UQCC1: variants seen among roughly 807,000 people sequenced by gnomAD.
UQCC1 encodes the protein ubiquinol-cytochrome c reductase complex assembly factor 1.
Under a neutral mutation model 48.0 loss-of-function variants are expected in UQCC1, and 38 were observed. The ratio of observed to expected loss-of-function variants is 0.79; its 90% CI spans 0.61 to 1.04. UQCC1 has a LOEUF of 1.04. Among genes scored for constraint, UQCC1 ranks in the 50% least tolerant of loss-of-function variants. The pLI is 0.00. For missense variants in UQCC1, 368 were observed against 381.8 expected (o/e 0.96, Z 0.30); for synonymous variants, 111 against 129.2 (o/e 0.86, Z 0.95).
intron 1 of UQCC1, among the ~76,000 whole-genome samples, chr20:35,400,013 C>T (rs1248955290): frequency 6.7e-6 from 1 of 149,182 alleles, no homozygotes; most frequent in African/African-American, 2.5e-5. Context: ...GCAACCTTCA[C>T]CTCCTGGATT....
rs553680322 is a variant in UQCC1 at position 35,411,748 on chromosome 20, G to A, written c.24+192C>T. 2.6e-5 allele frequency among the ~76,000 whole-genome samples: 4 copies of A among 152,226 alleles called. No homozygotes were observed. In the East Asian group the frequency reaches 7.7e-4, roughly 29 times the overall value. On this transcript the variant is annotated intron_variant, in intron 1 of 9. Coordinates refer to ENST00000374385, the MANE Select transcript of UQCC1 (RefSeq NM_018244.5). ...TCAGTCTTCCCCTTCTCGAAAGATGGGGGAGCTAAGGTCAAAACGGGGTAG... is the reference window on the plus strand; with the variant it reads ...TCAGTCTTCCCCTTCTCGAAAGATGAGGGAGCTAAGGTCAAAACGGGGTAG...
At chr20:35,340,571 A>T (rs1285843657) in intron 7 of UQCC1, among the ~76,000 whole-genome samples, 1 of 152,120 alleles carries the variant, frequency 6.6e-6, no homozygotes, top group Non-Finnish European at 1.5e-5. Flanking sequence ...TGCAACATCA[A>T]ACTCCCTGGC....
At chr20:35,307,243 T>C (rs2060940050) in intron 8 of UQCC1, among the ~76,000 whole-genome samples, 1 of 152,152 alleles carries the variant, frequency 6.6e-6, no homozygotes, top group Non-Finnish European at 1.5e-5. Flanking sequence ...TCTTGCTTGG[T>C]CCAAGGACCA....
At chr20:35,396,096 C>A (rs1285862950) in intron 1 of UQCC1, among the ~76,000 whole-genome samples, 2 of 143,988 alleles carry the variant, frequency 1.4e-5, no homozygotes, top group South Asian at 4.4e-4. Context: ...GCGATTCTTA[C>A]GCCTCAGACT....
At chr20:35,401,849 C>T (rs1283841411) in intron 1 of UQCC1, among the ~76,000 whole-genome samples, 4 of 151,506 alleles carry the variant, frequency 2.6e-5, no homozygotes, top group African/African-American at 7.3e-5. Flanking sequence ...TTAGTAGAGA[C>T]GGGGTTTCTC....
At chr20:35,338,892 A>AATATATATATATATGTATATATATATAT (rs2061346703) in intron 7 of UQCC1, among the ~76,000 whole-genome samples, 1 of 30,560 alleles carries the variant, frequency 3.3e-5, no homozygotes, top group African/African-American at 3.7e-4. Flanking sequence ...AAAAAAAAAA[A>AATATATATATATATGTATATATATATAT]ATATATATAT....
intron 1 of UQCC1, among the ~76,000 whole-genome samples, chr20:35,407,973 G>A (rs1305189436): frequency 6.6e-6 from 1 of 152,142 alleles, no homozygotes. Context: ...GGTGAGCCGA[G>A]ATCATGCCAT....
At chr20:35,312,908 G>A (rs183777767) in intron 8 of UQCC1, among the ~76,000 whole-genome samples, 3 of 152,238 alleles carry the variant, frequency 2.0e-5, no homozygotes, top group African/African-American at 7.2e-5. Context: ...ATGAGGGAAG[G>A]AGGGAATAAT....
chr20:35,315,465 G>T, intron 7 of UQCC1: 1 of 152,620 alleles, frequency 6.6e-6, no homozygotes, highest in Non-Finnish European at 1.5e-5. Flanking sequence ...GAAGTGGTCA[G>T]AGGTGGGAAG....
chr20:35,303,729 CT>C lies in UQCC1; in HGVS notation c.*205del. The C allele has an allele frequency of 1.5e-6, 1 of 666,214 alleles. No homozygotes were observed. The highest frequency in any genetic ancestry group is 1.8e-5 in the African/African-American group (1 of 55,448). 41.3% of individuals were successfully genotyped at this position (666,214 alleles called of 1,614,324 possible). A position where few individuals can be genotyped will look rare whatever the true frequency, so the allele number is the denominator to read the frequency against. ...TAAGGGAGAGGACACCCCGGGAGAG[CT>C]AGGGGTTCTCCCAGCCCTGTACCCC... On this transcript the variant is annotated 3_prime_UTR_variant, in exon 10 of 10. Coordinates refer to ENST00000374385, the MANE Select transcript of UQCC1 (RefSeq NM_018244.5).
At chr20:35,361,789 G>C (rs941355981) in intron 6 of UQCC1, among the ~76,000 whole-genome samples, 2 of 152,122 alleles carry the variant, frequency 1.3e-5, no homozygotes, top group African/African-American at 2.4e-5. Flanking sequence ...TTGTGAGCAT[G>C]TGTGAAATAA....
intron 6 of UQCC1, among the ~76,000 whole-genome samples, chr20:35,349,013 C>G (rs527382646): frequency 6.6e-6 from 1 of 152,242 alleles, no homozygotes; most frequent in East Asian, 1.9e-4. Flanking sequence ...AATAGGATTA[C>G]TCACCTAAAA....
intron 7 of UQCC1, among the ~76,000 whole-genome samples, chr20:35,329,657 A>G (rs891159081): frequency 6.6e-6 from 1 of 152,218 alleles, no homozygotes; most frequent in Non-Finnish European, 1.5e-5. Context: ...TCTCTACTGT[A>G]TCCTAGGTCT....
rs912340204 is a variant in UQCC1, at chr20:35,357,685, A to G, written c.464+8872T>C. ...AGACCTTGTCTCAAAAAAAAAAAAA[A>G]AAAGAAAGAAAAAGAAACAAAGAAA... On this transcript the variant is annotated intron_variant, in intron 6 of 9. Coordinates refer to ENST00000374385, the MANE Select transcript of UQCC1 (RefSeq NM_018244.5). Among the ~76,000 whole-genome samples, 127 of 151,388 alleles carry G rather than the reference A, an allele frequency of 8.4e-4. 2 individuals carry two copies. Among genetic ancestry groups the G allele is most frequent in the Non-Finnish European group, 1.3e-3 (85 of 67,822 alleles).
intron 7 of UQCC1, among the ~76,000 whole-genome samples, chr20:35,317,102 A>T (rs1490638714): frequency 6.6e-6 from 1 of 151,056 alleles, no homozygotes; most frequent in Non-Finnish European, 1.5e-5. Flanking sequence ...CACCTGGCTA[A>T]TTTTTTTGTA....
At position 35,306,658 on chromosome 20, in the gene UQCC1, T is replaced by C. The variant is rs1381548806; in HGVS notation, c.765+8A>G. ...AGGACTTGGGAGGGGAGGGAAAGGG[T>C]CACTCACCTGTTTCCTCACATACTC... On this transcript the variant is annotated splice_region_variant and intron_variant, in intron 9 of 9. Coordinates refer to ENST00000374385, the MANE Select transcript of UQCC1 (RefSeq NM_018244.5). The C allele has an allele frequency of 1.2e-5, 19 of 1,610,210 alleles. No individual in the cohort carries two copies. Among genetic ancestry groups the C allele is most frequent in the Non-Finnish European group, 1.6e-5 (19 of 1,176,860 alleles).
intron 2 of UQCC1, among the ~76,000 whole-genome samples, chr20:35,392,950 A>C (rs1391366379): frequency 6.6e-6 from 1 of 152,140 alleles, no homozygotes; most frequent in Admixed American, 6.5e-5. Flanking sequence ...GAGAAATGCC[A>C]TAAGCATACA....
At chr20:35,311,779 G>A (rs892988106) in intron 8 of UQCC1, among the ~76,000 whole-genome samples, 2 of 152,156 alleles carry the variant, frequency 1.3e-5, no homozygotes, top group African/African-American at 4.8e-5. Flanking sequence ...CAGAATCTTT[G>A]GGGGACAGGG....
chr20:35,374,310 T>A, intron 4 of UQCC1, 54 bp from the exon 5 acceptor site: 1 of 1,371,820 alleles, frequency 7.3e-7, no homozygotes, highest in Non-Finnish European at 1.0e-6. Flanking sequence ...GATGTTCTAC[T>A]TCCATTAGAC....
Sources: gnomAD v4.1 joint callset for allele counts (sites outside exome capture counted in the v4.1 genomes callset) on GRCh38, gnomAD v4.1.1 for gene constraint, MANE v1.5 for transcripts, NCBI Gene and HGNC (gene_info 2026-07-23, HGNC 2026-07-21) for gene names.